FAM117A: variants seen among roughly 807,000 people sequenced by gnomAD.
FAM117A encodes family with sequence similarity 117 member A, also known as protein FAM117A.
In FAM117A, 21 loss-of-function variants were observed where a neutral mutation model predicts 44.1. The observed-to-expected ratio is 0.48, with a 90% CI of 0.34 to 0.69. The LOEUF (loss-of-function observed/expected upper bound fraction) is 0.69. FAM117A is among the 30% of genes least tolerant of loss of function. The probability of loss-of-function intolerance (pLI) is 0.01; values close to 1 mark genes in which losing one functional copy is unlikely to be tolerated. For missense variants in FAM117A, 498 were observed against 589.9 expected (o/e 0.84, Z 1.61); for synonymous variants, 220 against 238.3 (o/e 0.92, Z 0.71).
At chr17:49,775,256 G>A (rs1478572984) in intron 1 of FAM117A, among the ~76,000 whole-genome samples, 1 of 152,208 alleles carries the variant, frequency 6.6e-6, no homozygotes, top group Non-Finnish European at 1.5e-5. Context: ...CCAAAGTGCT[G>A]GGATTACAGG....
intron 1 of FAM117A, among the ~76,000 whole-genome samples, chr17:49,739,155 T>C (rs1307469458): frequency 6.6e-6 from 1 of 152,174 alleles, no homozygotes; most frequent in South Asian, 2.1e-4. Context: ...TATGAAGAGA[T>C]GCAAATACAC....
intron 1 of FAM117A, among the ~76,000 whole-genome samples, chr17:49,780,142 A>C (rs1372682968): frequency 6.6e-6 from 1 of 152,210 alleles, no homozygotes; most frequent in Non-Finnish European, 1.5e-5. Flanking sequence ...ATTTGGGTAC[A>C]GTTAATCACA....
chr17:49,775,393 C>G (rs1432549974), intron 1 of FAM117A, among the ~76,000 whole-genome samples: 1 of 152,200 alleles, frequency 6.6e-6, no homozygotes, highest in Non-Finnish European at 1.5e-5. Flanking sequence ...CTGTGGATTT[C>G]CTGTACCCAA....
rs555700898 is a variant in FAM117A at position 49,770,451 on chromosome 17, A to G, written c.-621+18046T>C. 2.0e-5 allele frequency among the ~76,000 whole-genome samples: 3 copies of G among 152,210 alleles called. No homozygotes were observed. In the South Asian group the frequency reaches 6.2e-4, roughly 32 times the overall value. ...TGTATATGAAATGTCCAGAAACGCAAATTTATAGAGAGAGCAAGCAGATTT... is the reference window on the plus strand; with the variant it reads ...TGTATATGAAATGTCCAGAAACGCAGATTTATAGAGAGAGCAAGCAGATTT... On this transcript the variant is annotated intron_variant, in intron 1 of 7. Coordinates refer to the FAM117A transcript ENST00000513602.
chr17:49,740,502 T>G (rs925121297), intron 1 of FAM117A, among the ~76,000 whole-genome samples: 9 of 152,092 alleles, frequency 5.9e-5, no homozygotes, highest in South Asian at 2.1e-4. Flanking sequence ...GCCCACCTTG[T>G]CCTCCCAAAG....
chr17:49,732,779 A>C, intron 1 of FAM117A, 59 bp from the exon 2 acceptor site: 1 of 1,543,974 alleles, frequency 6.5e-7, no homozygotes, highest in South Asian at 1.2e-5. Context: ...AGACGTGGCA[A>C]TCACCTTCCT....
In FAM117A at chr17:49,732,737, C is replaced by T. The variant is rs1459872089; in HGVS notation, c.197-17G>A. ...GGACGCTGGCTGCAAGAGAACACAGCCCGCACGCCTTGCCATCAGCATGGA... is the reference window on the plus strand; with the variant it reads ...GGACGCTGGCTGCAAGAGAACACAGTCCGCACGCCTTGCCATCAGCATGGA... On this transcript the variant is annotated splice_polypyrimidine_tract_variant and intron_variant, in intron 1 of 7. Coordinates refer to ENST00000240364, the MANE Select transcript of FAM117A (RefSeq NM_030802.4). 6.2e-7 allele frequency: 1 copy of T among 1,609,390 alleles called. No homozygotes were observed.
chr17:49,738,842 C>T (rs944079167), intron 1 of FAM117A, among the ~76,000 whole-genome samples: 1 of 152,142 alleles, frequency 6.6e-6, no homozygotes, highest in African/African-American at 2.4e-5. Context: ...AAAAAAACTA[C>T]CACTTATTTC....
intron 2 of FAM117A, among the ~76,000 whole-genome samples, chr17:49,725,616 A>T (rs1387272453): frequency 2.6e-5 from 4 of 152,240 alleles, no homozygotes; most frequent in Admixed American, 2.0e-4. Flanking sequence ...CAGAGGGAAC[A>T]GCCAGTGCAA....
chr17:49,764,708 C>A (rs986207645), upstream of FAM117A, among the ~76,000 whole-genome samples: 6 of 152,208 alleles, frequency 3.9e-5, no homozygotes, highest in Non-Finnish European at 5.9e-5. Flanking sequence ...TAAGATCCTA[C>A]AAATTAATGC....
At position 49,710,416 on chromosome 17, in the gene FAM117A, G is replaced by A. The variant is rs557361951; in HGVS notation, c.*839C>T. On this transcript the variant is annotated 3_prime_UTR_variant, in exon 8 of 8. Coordinates refer to ENST00000240364, the MANE Select transcript of FAM117A (RefSeq NM_030802.4). ...CTCTAAACACAAGATAAGAAAACTC[G>A]AACATTAACATTCTTCAATTTTGTG... is the stretch of plus-strand genomic sequence containing the variant. 5 of 152,664 alleles carry A rather than the reference G, an allele frequency of 3.3e-5. No individual in the cohort carries two copies. Among genetic ancestry groups the A allele is most frequent in the South Asian group, 2.1e-4 (1 of 4,826 alleles). The allele number at this position is 152,664 out of a possible 1,614,324, so 9.5% of individuals were successfully genotyped here.
At chr17:49,772,415 G>A (rs1343631373) in intron 1 of FAM117A, among the ~76,000 whole-genome samples, 1 of 151,956 alleles carries the variant, frequency 6.6e-6, no homozygotes, top group Admixed American at 6.6e-5. Context: ...AGACCAGCCT[G>A]GCCAACATAG....
Position 49,782,583 on chromosome 17 carries a change from G to T in FAM117A, c.-621+5914C>A, listed in dbSNP as rs530419950. On this transcript the variant is annotated intron_variant, in intron 1 of 7. Coordinates refer to the FAM117A transcript ENST00000513602. ...CACGCACCTGTAGTCCCAGCTACTTGGGAGGCTGAGGCAGGAGAATCGCTT... is the reference window on the plus strand; with the variant it reads ...CACGCACCTGTAGTCCCAGCTACTTTGGAGGCTGAGGCAGGAGAATCGCTT... Among the ~76,000 whole-genome samples the T allele has an allele frequency of 8.5e-4, 129 of 151,358 alleles. 2 individuals carry two copies. In the South Asian group the frequency reaches 0.026, roughly 31 times the overall value.
At chr17:49,772,742 ACT>A (rs779422337) in intron 1 of FAM117A, among the ~76,000 whole-genome samples, 14 of 151,986 alleles carry the variant, frequency 9.2e-5, no homozygotes, top group East Asian at 3.9e-4. Context: ...ATACAGTGAG[ACT>A]CTGTCAAAAA....
intron 1 of FAM117A, chr17:49,732,996 C>G (rs980228880): frequency 1.5e-5 from 6 of 396,302 alleles, no homozygotes; most frequent in Non-Finnish European, 2.8e-5. Flanking sequence ...TTTTCCTGCT[C>G]CTAATGGACT....
At chr17:49,779,112 G>T (rs2073782612) in intron 1 of FAM117A, among the ~76,000 whole-genome samples, 1 of 152,250 alleles carries the variant, frequency 6.6e-6, no homozygotes, top group Non-Finnish European at 1.5e-5. Context: ...GAAGGCCAGT[G>T]AAGCTGCGGC....
Position 49,720,284 on chromosome 17 carries a change from T to G in FAM117A, c.573+42A>C, listed in dbSNP as rs542747836. 5.8e-5 allele frequency: 88 copies of G among 1,515,816 alleles called. 1 individual carries two copies. The South Asian group carries it at 9.6e-4, about 16-fold the overall frequency. 93.9% of individuals were successfully genotyped at this position (1,515,816 alleles called of 1,614,324 possible). A position where few individuals can be genotyped will look rare whatever the true frequency, so the allele number is the denominator to read the frequency against. Reference sequence around the variant, plus strand: ...CTCTGCCCATATAGGGGGGCCTGCATGGAGGAGAACAGAGGGGAGAGGGCT... The same window carrying G: ...CTCTGCCCATATAGGGGGGCCTGCAGGGAGGAGAACAGAGGGGAGAGGGCT... On this transcript the variant is annotated intron_variant, in intron 4 of 7. Transcript: ENST00000240364.
upstream of FAM117A, among the ~76,000 whole-genome samples, chr17:49,767,882 G>A (rs141660932): frequency 0.013 from 1,968 of 151,922 alleles, 46 homozygotes; most frequent in African/African-American, 0.045. Flanking sequence ...CAGACTGGGC[G>A]ACAGAGCAAG....
chr17:49,775,807 C>G (rs950035843), intron 1 of FAM117A, among the ~76,000 whole-genome samples: 1 of 152,148 alleles, frequency 6.6e-6, no homozygotes, highest in Non-Finnish European at 1.5e-5. Context: ...TAATATCACA[C>G]AAGTTGGCAC....
Sources: allele counts gnomAD v4.1 joint callset (sites outside exome capture counted in the v4.1 genomes callset), GRCh38; gene constraint gnomAD v4.1.1; transcripts MANE v1.5; gene names NCBI Gene and HGNC (gene_info 2026-07-23, HGNC 2026-07-21).